The following GBA1 variants were observed in gnomAD, a reference collection of about 807,000 sequenced individuals.
GBA1 encodes glucosylceramidase beta 1.
chr1:155,235,992 T>G, the GBA1 span: 3 of 962,228 alleles, frequency 3.1e-6, no homozygotes, highest in Non-Finnish European at 4.9e-6. Context: ...GTTGGGGGTG[T>G]GAAGATCCAG....
chr1:155,238,199 C>T, the GBA1 span: 63 of 1,614,058 alleles, frequency 3.9e-5, no homozygotes, highest in Non-Finnish European at 5.3e-5. Flanking sequence ...GTGACCCCTT[C>T]CCATTCACCG....
the GBA1 span, chr1:155,240,724 A>G: frequency 6.2e-7 from 1 of 1,609,510 alleles, no homozygotes. Context: ...ATTCCTGAGG[A>G]CAGAATGAGG....
chr1:155,236,417 C>G, the GBA1 span: 1 of 1,614,164 alleles, frequency 6.2e-7, no homozygotes, highest in Non-Finnish European at 8.5e-7. Context: ...GTCCAGGTAC[C>G]AATGTACAGC....
At chr1:155,239,790 A>G in the GBA1 span, 1 of 1,614,074 alleles carries the variant, frequency 6.2e-7, no homozygotes, top group East Asian at 2.2e-5. Flanking sequence ...GAATAAGGGT[A>G]TCAGTACCCA....
chr1:155,236,101 A>T, the GBA1 span: 1 of 814,212 alleles, frequency 1.2e-6, no homozygotes, highest in South Asian at 1.5e-5. Context: ...GAAAGGGAAG[A>T]TAGGGAATCA....
the GBA1 span, chr1:155,241,303 G>C: frequency 3.1e-6 from 2 of 647,554 alleles, no homozygotes; most frequent in East Asian, 5.4e-5. Flanking sequence ...CATGACACAG[G>C]AAGTGAGGCA....
the GBA1 span, chr1:155,238,270 G>A: frequency 7.5e-6 from 12 of 1,605,194 alleles, no homozygotes; most frequent in South Asian, 3.3e-5. Flanking sequence ...GAAACGGGAC[G>A]CTGGGCCAAC....
At chr1:155,241,807 G>A in the GBA1 span, among the ~76,000 whole-genome samples, 3 of 152,204 alleles carry the variant, frequency 2.0e-5, no homozygotes, top group East Asian at 1.9e-4. Context: ...AAGAGGGTGG[G>A]ACACTGGCAG....
the GBA1 span, chr1:155,239,639 A>G: frequency 6.2e-7 from 1 of 1,614,200 alleles, no homozygotes; most frequent in Non-Finnish European, 8.5e-7. Context: ...GTACGATTTA[A>G]GTAGCAAATT....
the GBA1 span, chr1:155,237,871 C>T: frequency 3.1e-6 from 2 of 644,728 alleles, no homozygotes; most frequent in East Asian, 2.7e-5. Flanking sequence ...CACAGCACTC[C>T]AGCCTGGGTG....
chr1:155,236,068 A>G, the GBA1 span: 9 of 745,768 alleles, frequency 1.2e-5, no homozygotes, highest in African/African-American at 3.5e-5. Context: ...AAAAGGGGCA[A>G]TGAGGTGTGC....
At chr1:155,243,293 A>G in the GBA1 span, among the ~76,000 whole-genome samples, 1 of 152,230 alleles carries the variant, frequency 6.6e-6, no homozygotes, top group African/African-American at 2.4e-5. Context: ...TGTTCTGGGT[A>G]GGGCAGGTAA....
the GBA1 span, chr1:155,237,259 G>A: frequency 2.4e-5 from 38 of 1,606,916 alleles, 1 homozygote; most frequent in Middle Eastern, 3.7e-3. Context: ...GTTGGGTAGA[G>A]AAATCGCTCT....
At chr1:155,240,723 G>A in the GBA1 span, 7 of 1,609,588 alleles carry the variant, frequency 4.3e-6, no homozygotes, top group East Asian at 2.2e-5. Context: ...CATTCCTGAG[G>A]ACAGAATGAG....
chr1:155,241,265 A>G, the GBA1 span: 2 of 732,022 alleles, frequency 2.7e-6, no homozygotes, highest in South Asian at 3.0e-5. Flanking sequence ...CCCGATGTGG[A>G]TGGGTCATGT....
At chr1:155,243,043 G>T in the GBA1 span, among the ~76,000 whole-genome samples, 1 of 152,184 alleles carries the variant, frequency 6.6e-6, no homozygotes, top group Non-Finnish European at 1.5e-5. Context: ...TCACAGAATT[G>T]TTGTGAGGTT....
the GBA1 span, chr1:155,238,626 A>G: frequency 1.2e-6 from 2 of 1,613,624 alleles, no homozygotes; most frequent in African/African-American, 1.3e-5. Flanking sequence ...GGCCATGGGT[A>G]CCCGGATGAT....
chr1:155,237,903 CAA>C, the GBA1 span: 1,315 of 521,592 alleles, frequency 2.5e-3, no homozygotes, highest in East Asian at 2.9e-3. Context: ...GACTCCTTCT[CAA>C]AAAAAAAAAA....
chr1:155,239,919 T>C, the GBA1 span: 1 of 1,614,090 alleles, frequency 6.2e-7, no homozygotes, highest in Non-Finnish European at 8.5e-7. Context: ...ATGGGCCCCA[T>C]ACTCAGCTCC....
Sources: allele counts gnomAD v4.1 joint callset (sites outside exome capture counted in the v4.1 genomes callset), GRCh38; gene constraint gnomAD v4.1.1; transcripts MANE v1.5; gene names NCBI Gene and HGNC (gene_info 2026-07-23, HGNC 2026-07-21).